The following DNAI2 variants were observed in gnomAD, a reference collection of about 807,000 sequenced individuals.
DNAI2 encodes the protein dynein axonemal intermediate chain 2, also known as dynein, axonemal, intermediate polypeptide 2.
In DNAI2, 63 loss-of-function variants were observed where a neutral mutation model predicts 74.7. The ratio of observed to expected loss-of-function variants is 0.84; its 90% CI spans 0.69 to 1.04. The LOEUF is 1.04. DNAI2 is among the 50% of genes least tolerant of loss of function. The pLI, the probability that DNAI2 is intolerant of heterozygous loss-of-function variation, is 0.00. For missense variants in DNAI2, 688 were observed against 803.2 expected (o/e 0.86, Z 1.73); for synonymous variants, 289 against 314.9 (o/e 0.92, Z 0.87).
At chr17:74,285,970 TAGAGAGAGAGAG>T (rs3056091) in intron 3 of DNAI2, among the ~76,000 whole-genome samples, 4 of 146,830 alleles carry the variant, frequency 2.7e-5, no homozygotes, top group Non-Finnish European at 6.0e-5. Flanking sequence ...TATATATATA[TAGAGAGAGAGAG>T]AGAGAGAGAG....
At chr17:74,291,957 G>A (rs1261118218) in intron 6 of DNAI2, among the ~76,000 whole-genome samples, 5 of 151,786 alleles carry the variant, frequency 3.3e-5, no homozygotes, top group Middle Eastern at 3.2e-3. Context: ...TCCACCTCTC[G>A]GATTCAAGTG....
In DNAI2 at chr17:74,285,214, C is replaced by T. The variant is rs1395119233; in HGVS notation, c.345+13C>T. Reference sequence around the variant, plus strand: ...GCAGCTCGGCTCTGTAAGGCTTCCTCCTGCCCCAGCTGCAAGAGCCCCATC... The same window carrying T: ...GCAGCTCGGCTCTGTAAGGCTTCCTTCTGCCCCAGCTGCAAGAGCCCCATC... On this transcript the variant is annotated intron_variant, in intron 3 of 13. Transcript: ENST00000311014. 27 of 1,613,234 alleles carry T rather than the reference C, an allele frequency of 1.7e-5. No individual in the cohort carries two copies. Among genetic ancestry groups the T allele is most frequent in the Middle Eastern group, 1.6e-4 (1 of 6,084 alleles).
Position 74,281,859 on chromosome 17 carries a change from C to T in DNAI2, c.42C>T (p.Phe14=), listed in dbSNP as rs1305282590. 6.2e-7 allele frequency: 1 copy of T among 1,614,090 alleles called. No homozygotes were observed. The highest frequency in any genetic ancestry group is 1.7e-5 in the Admixed American group (1 of 60,020). The stretch of plus-strand genomic sequence containing the variant: ...TGTACGTCAAGAAGCGCAGCGAGTT[C>T]GGGAAGCAGTGCAATTTCTCGGACC... ...VYVYVKKRSE[F]GKQCNFSDRQ... Residue 14 remains phenylalanine, a synonymous_variant, in exon 2 of 14, where the codon TTC becomes TTT. Transcript: ENST00000311014.
At position 74,291,033 on chromosome 17, in the gene DNAI2, G is replaced by A; in HGVS notation, c.624G>A (p.Lys208=). 6.2e-7 allele frequency: 1 copy of A among 1,614,178 alleles called. No homozygotes were observed. The highest frequency in any genetic ancestry group is 8.5e-7 in the Non-Finnish European group (1 of 1,180,028). The change falls in exon 6 of 14, where the codon AAG becomes AAA. Residue 208 remains lysine, a synonymous_variant. Transcript: ENST00000311014. ...SYIWDLENPN[K]PELALKPSSP... ...TGTGCTTTATAGAAAACCCCAACAAGCCTGAACTTGCTCTGAAGCCATCGT... is the reference window on the plus strand; with the variant it reads ...TGTGCTTTATAGAAAACCCCAACAAACCTGAACTTGCTCTGAAGCCATCGT...
chr17:74,289,764 T>C (rs778910329), intron 5 of DNAI2, 28 bp downstream of exon 5: 1 of 1,613,030 alleles, frequency 6.2e-7, no homozygotes, highest in Middle Eastern at 1.7e-4. Flanking sequence ...CCTGGTGGCC[T>C]GGGAGGGCTG....
At chr17:74,285,592 C>T (rs77421074) in intron 3 of DNAI2, among the ~76,000 whole-genome samples, 1 of 140,704 alleles carries the variant, frequency 7.1e-6, no homozygotes, top group Non-Finnish European at 1.5e-5. Context: ...CTTGCCAGTG[C>T]AAAAAAAAAA....
Position 74,312,089 on chromosome 17 carries a change from C to T in DNAI2, c.1581C>T (p.Gly527=). Residue 527 remains glycine, a synonymous_variant, in exon 12 of 14, where the codon GGC becomes GGT. Coordinates refer to ENST00000311014, the MANE Select transcript of DNAI2 (RefSeq NM_023036.6). The stretch of plus-strand genomic sequence containing the variant: ...TGAAGGAGAAGGGTAAGGCGGAGGG[C>T]AGGGATGAGGAGCAGACCGATGAGG... ...MRLKEKGKAE[G]RDEEQTDEEL... is the part of the protein sequence containing the mutation. 1.2e-6 allele frequency: 2 copies of T among 1,613,324 alleles called. No homozygotes were observed. The highest frequency in any genetic ancestry group is 1.1e-5 in the South Asian group (1 of 91,038).
In DNAI2 at chr17:74,310,099, C is replaced by A; in HGVS notation, c.1430C>A (p.Thr477Asn). 1 of 1,613,864 alleles carries A rather than the reference C, an allele frequency of 6.2e-7. No individual in the cohort carries two copies. The highest frequency in any genetic ancestry group is 1.3e-5 in the African/African-American group (1 of 75,042). The change falls in exon 11 of 14, where the codon ACC becomes AAC. Residue 477 changes from threonine to asparagine, a missense_variant. By Grantham distance (65) the Thr-to-Asn change is moderately conservative. Transcript: ENST00000311014. ...IACGSQLGTTTLLEVSPGLST... is the reference protein window; with the variant it reads ...IACGSQLGTTNLLEVSPGLST... ...TGCGGCTCCCAGCTGGGGACAACCA[C>A]CCTGCTGGAGGTCTCGCCTGGGCTC...
At position 74,301,774 on chromosome 17, in the gene DNAI2, C is replaced by A. The variant is rs992061462; in HGVS notation, c.987+606C>A. Reference sequence around the variant, plus strand: ...AGACCAGCCTGGGTACATAATGAGACCCCCCCCACCGCCCGCCCAGTCTTT... The same window carrying A: ...AGACCAGCCTGGGTACATAATGAGAACCCCCCCACCGCCCGCCCAGTCTTT... On this transcript the variant is annotated intron_variant, in intron 8 of 13. Coordinates refer to ENST00000311014, the MANE Select transcript of DNAI2 (RefSeq NM_023036.6). Among the ~76,000 whole-genome samples, 19 of 130,970 alleles carry A rather than the reference C, an allele frequency of 1.5e-4. 1 individual carries two copies. Among genetic ancestry groups the A allele is most frequent in the African/African-American group, 5.7e-4 (19 of 33,272 alleles). The allele number at this position is 130,970 out of a possible 152,430, so 85.9% of individuals were successfully genotyped here.
chr17:74,310,164 G>GT lies in DNAI2; in HGVS notation c.1494+2dup, dbSNP rs771991249. ...GAATGAGAAGAACGTAGCCTCTTCC[G>GT]TAAGCACCGGGTGCCTGGGGAAAAT... On this transcript the variant is annotated splice_donor_variant, in intron 11 of 13. Coordinates refer to ENST00000311014, the MANE Select transcript of DNAI2 (RefSeq NM_023036.6). LOFTEE classifies it high-confidence loss of function. 4.3e-6 allele frequency: 7 copies of GT among 1,613,234 alleles called. No homozygotes were observed. In the South Asian group the frequency reaches 6.6e-5, roughly 15 times the overall value.
At chr17:74,290,044 G>A (rs904743407) in intron 5 of DNAI2, among the ~76,000 whole-genome samples, 7 of 152,168 alleles carry the variant, frequency 4.6e-5, no homozygotes, top group South Asian at 2.1e-4. Context: ...GGCCGGGCTC[G>A]GTGGCCCATG....
At chr17:74,305,509 G>C (rs1235908420) in intron 9 of DNAI2, 67 bp downstream of exon 9, 1 of 1,484,432 alleles carries the variant, frequency 6.7e-7, no homozygotes, top group Non-Finnish European at 9.3e-7. Flanking sequence ...AGCCCAGCTG[G>C]GCCCCGGAGA....
At chr17:74,291,911 C>T (rs992269998) in intron 6 of DNAI2, among the ~76,000 whole-genome samples, 8 of 151,394 alleles carry the variant, frequency 5.3e-5, no homozygotes, top group Non-Finnish European at 7.4e-5. Flanking sequence ...TCGCCCAGGC[C>T]GGAGTGCAGT....
chr17:74,295,150 T>C (rs928676468), intron 6 of DNAI2, among the ~76,000 whole-genome samples: 8 of 150,948 alleles, frequency 5.3e-5, no homozygotes, highest in Non-Finnish European at 1.0e-4. Flanking sequence ...AACCTAGCAC[T>C]TTGGGAGGCT....
rs747888220 is a variant in DNAI2 at position 74,281,880 on chromosome 17, G to C, written c.63G>C (p.Ser21=). The C allele has an allele frequency of 1.9e-6, 3 of 1,614,134 alleles. No individual in the cohort carries two copies. The highest frequency in any genetic ancestry group is 1.1e-5 in the South Asian group (1 of 91,088). ...RSEFGKQCNF[S]DRQAELNIDI... ...AGTTCGGGAAGCAGTGCAATTTCTC[G>C]GACCGCCAGGCCGAGCTGAACATCG... Residue 21 remains serine (S), a synonymous_variant, in exon 2 of 14, where the codon TCG becomes TCC. Transcript: ENST00000311014.
rs184354915 is a variant in DNAI2 at position 74,289,628 on chromosome 17, C to T, written c.502C>T (p.Leu168Phe). ...GGAAATCAAGAGGGCTGCCACACAC[C>T]TCTCCTGGCACCCCGATGGCAACAG... ...PQEIKRAATH[L>F]SWHPDGNRKL... The change falls in exon 5 of 14, where the codon CTC becomes TTC. Residue 168 changes from leucine to phenylalanine, a missense_variant. Leu to Phe is a conservative substitution (Grantham distance 22). Coordinates refer to ENST00000311014, the MANE Select transcript of DNAI2 (RefSeq NM_023036.6). 5.6e-6 allele frequency: 9 copies of T among 1,614,140 alleles called. No homozygotes were observed. Among genetic ancestry groups the T allele is most frequent in the Admixed American group, 5.0e-5 (3 of 60,012 alleles).
At chr17:74,299,981 T>C (rs2144028366) in intron 7 of DNAI2, 124 bp downstream of exon 7, 1 of 1,426,730 alleles carries the variant, frequency 7.0e-7, no homozygotes. Context: ...GGAGTTTCAC[T>C]CTTGTTGCCC....
At chr17:74,296,597 A>T (rs2052460817) in intron 6 of DNAI2, among the ~76,000 whole-genome samples, 1 of 152,298 alleles carries the variant, frequency 6.6e-6, no homozygotes, top group Non-Finnish European at 1.5e-5. Flanking sequence ...CTGCAAAGTT[A>T]GTCAGTTGCC....
chr17:74,314,608 TG>T lies in DNAI2; in HGVS notation c.*77del, dbSNP rs1202189328. ...TTGCAGACCCTCAACCAGACTTGCA[TG>T]GCCATGGCAGGGCCTCGGGAAGACC... On this transcript the variant is annotated 3_prime_UTR_variant, in exon 14 of 14. Transcript: ENST00000311014. 1 of 254,572 alleles carries T rather than the reference TG, an allele frequency of 3.9e-6. No individual in the cohort carries two copies. Among genetic ancestry groups the T allele is most frequent in the Non-Finnish European group, 7.9e-6 (1 of 125,922 alleles). 15.8% of individuals were successfully genotyped at this position (254,572 alleles called of 1,614,324 possible).
Sources: gnomAD v4.1 joint callset for allele counts (sites outside exome capture counted in the v4.1 genomes callset) on GRCh38, gnomAD v4.1.1 for gene constraint, MANE v1.5 for transcripts, NCBI Gene and HGNC (gene_info 2026-07-23, HGNC 2026-07-21) for gene names.